NTNG1: variants seen among roughly 807,000 people sequenced by gnomAD.
NTNG1 encodes the protein netrin-G1.
A neutral mutation model predicts 54.0 loss-of-function variants in NTNG1; 16 were observed. That is an observed-to-expected ratio of 0.30 (90% confidence interval 0.20 to 0.45). The LOEUF (loss-of-function observed/expected upper bound fraction) is 0.45. NTNG1 is among the 20% of genes least tolerant of loss of function. NTNG1 has a pLI of 1.00. For missense variants in NTNG1, 530 were observed against 678.7 expected (o/e 0.78, Z 2.43); for synonymous variants, 255 against 263.1 (o/e 0.97, Z 0.30).
chr1:107,436,110 A>C (rs547668535), intron 6 of NTNG1, among the ~76,000 whole-genome samples: 1 of 152,332 alleles, frequency 6.6e-6, no homozygotes, highest in Non-Finnish European at 1.5e-5. Flanking sequence ...AAGCTGCATT[A>C]ATATGCCTAG....
At chr1:107,237,720 A>C (rs1160559047) in intron 2 of NTNG1, among the ~76,000 whole-genome samples, 2 of 152,142 alleles carry the variant, frequency 1.3e-5, no homozygotes, top group Non-Finnish European at 2.9e-5. Context: ...ATGGCTTGAG[A>C]GGGTTCAAAC....
At chr1:107,305,326 T>C (rs1666616772) in intron 2 of NTNG1, among the ~76,000 whole-genome samples, 1 of 152,180 alleles carries the variant, frequency 6.6e-6, no homozygotes, top group Non-Finnish European at 1.5e-5. Flanking sequence ...TCTTCCACAA[T>C]GGTTGAACTA....
At chr1:107,223,990 T>C (rs1224332112) in intron 2 of NTNG1, among the ~76,000 whole-genome samples, 1 of 152,188 alleles carries the variant, frequency 6.6e-6, no homozygotes, top group Non-Finnish European at 1.5e-5. Context: ...ATTTTCAAAA[T>C]GCTAGTTCAA....
At chr1:107,386,896 A>G (rs1446613091) in intron 3 of NTNG1, among the ~76,000 whole-genome samples, 2 of 152,162 alleles carry the variant, frequency 1.3e-5, no homozygotes, top group African/African-American at 2.4e-5. Context: ...ATTTCTCCAC[A>G]TCCTTGCAGC....
intron 2 of NTNG1, among the ~76,000 whole-genome samples, chr1:107,225,939 T>C (rs1167622849): frequency 6.6e-6 from 1 of 152,146 alleles, no homozygotes; most frequent in Non-Finnish European, 1.5e-5. Flanking sequence ...GCACAGGTTC[T>C]ATGTGCCCAG....
intron 3 of NTNG1, among the ~76,000 whole-genome samples, chr1:107,380,482 T>C (rs980322990): frequency 6.6e-6 from 1 of 152,204 alleles, no homozygotes; most frequent in Non-Finnish European, 1.5e-5. Flanking sequence ...GGGATAGTGA[T>C]ACTTTCTTGT....
chr1:107,146,980 G>A (rs1336979311), intron 1 of NTNG1, among the ~76,000 whole-genome samples: 1 of 151,706 alleles, frequency 6.6e-6, no homozygotes, highest in Non-Finnish European at 1.5e-5. Flanking sequence ...TGTCCTTTTT[G>A]CATTGCTTAA....
chr1:107,321,307 C>T (rs1667648276), intron 2 of NTNG1, among the ~76,000 whole-genome samples: 1 of 151,992 alleles, frequency 6.6e-6, no homozygotes, highest in African/African-American at 2.4e-5. Flanking sequence ...CACATTGTTG[C>T]ATGTATGAAT....
At position 107,265,054 on chromosome 1, in the gene NTNG1, T is replaced by C. The variant is rs117609668; in HGVS notation, c.247-59228T>C. Among the ~76,000 whole-genome samples, 177 of 152,296 alleles carry C rather than the reference T, an allele frequency of 1.2e-3. 3 individuals carry two copies. The East Asian group carries it at 0.031, about 26-fold the overall frequency. ...CACTAACAAGTATTTATTGAATGAA[T>C]GAATGTGCAGATGAATGAAAGTAGC... On this transcript the variant is annotated intron_variant, in intron 2 of 7. Transcript: ENST00000370068.
At chr1:107,392,556 C>T (rs554785650) in intron 3 of NTNG1, among the ~76,000 whole-genome samples, 1 of 151,972 alleles carries the variant, frequency 6.6e-6, no homozygotes, top group African/African-American at 2.4e-5. Flanking sequence ...AGTCCCAGCC[C>T]CTGAGGAAAC....
intron 3 of NTNG1, among the ~76,000 whole-genome samples, chr1:107,393,940 A>G (rs983535887): frequency 6.6e-6 from 1 of 152,078 alleles, no homozygotes; most frequent in East Asian, 1.9e-4. Context: ...ATAAAATACT[A>G]TAATATTTTT....
chr1:107,264,805 G>A (rs1288754417), intron 2 of NTNG1, among the ~76,000 whole-genome samples: 1 of 152,138 alleles, frequency 6.6e-6, no homozygotes, highest in African/African-American at 2.4e-5. Context: ...CCACCCTTCA[G>A]TCACTCTGTA....
intron 2 of NTNG1, among the ~76,000 whole-genome samples, chr1:107,159,625 C>G (rs1272451728): frequency 6.6e-6 from 1 of 152,156 alleles, no homozygotes; most frequent in African/African-American, 2.4e-5. Context: ...CACTCTTAAA[C>G]TATTCTATTC....
chr1:107,419,299 T>A (rs904543515), intron 5 of NTNG1, among the ~76,000 whole-genome samples: 1 of 151,908 alleles, frequency 6.6e-6, no homozygotes. Context: ...TTGGAACTTT[T>A]CCTTTTATCT....
intron 2 of NTNG1, among the ~76,000 whole-genome samples, chr1:107,274,774 T>C (rs546430651): frequency 6.6e-6 from 1 of 152,340 alleles, no homozygotes; most frequent in South Asian, 2.1e-4. Flanking sequence ...AGAATTTATA[T>C]TTGATTCTAT....
intron 5 of NTNG1, among the ~76,000 whole-genome samples, chr1:107,423,196 A>G (rs1288829584): frequency 6.6e-6 from 1 of 152,092 alleles, no homozygotes; most frequent in Non-Finnish European, 1.5e-5. Context: ...ATGTTTCAAT[A>G]TATCATATAT....
At chr1:107,337,338 CTAA>C (rs1487201399) in intron 3 of NTNG1, among the ~76,000 whole-genome samples, 5 of 151,920 alleles carry the variant, frequency 3.3e-5, no homozygotes, top group African/African-American at 1.2e-4. Context: ...AGACATTATG[CTAA>C]GTGAAATAAG....
chr1:107,400,236 T>A (rs1219408221), intron 4 of NTNG1, among the ~76,000 whole-genome samples: 2 of 152,158 alleles, frequency 1.3e-5, no homozygotes, highest in Non-Finnish European at 2.9e-5. Flanking sequence ...CAATGCCTCA[T>A]TGAAGCCTAC....
chr1:107,392,776 T>G (rs1470768828), intron 3 of NTNG1, among the ~76,000 whole-genome samples: 5 of 152,014 alleles, frequency 3.3e-5, no homozygotes, highest in African/African-American at 9.7e-5. Flanking sequence ...TTCCTCACCT[T>G]AAGATGGGAG....
Sources: allele counts gnomAD v4.1 joint callset (sites outside exome capture counted in the v4.1 genomes callset), GRCh38; gene constraint gnomAD v4.1.1; transcripts MANE v1.5; gene names NCBI Gene and HGNC (gene_info 2026-07-23, HGNC 2026-07-21).